ATXN1: variants seen among roughly 807,000 people sequenced by gnomAD.
ATXN1 encodes the protein ataxin-1.
Under a neutral mutation model 56.4 loss-of-function variants are expected in ATXN1, and 8 were observed. The ratio of observed to expected loss-of-function variants is 0.14; its 90% CI spans 0.08 to 0.26. The LOEUF is 0.26. ATXN1 is among the 10% of genes least tolerant of loss of function. The probability of loss-of-function intolerance (pLI) is 1.00; values close to 1 mark genes in which losing one functional copy is unlikely to be tolerated. For missense variants in ATXN1, 987 were observed against 1,106.5 expected, an observed-to-expected ratio of 0.89 and a Z score of 1.53; for synonymous variants, 514 against 494.6, an observed-to-expected ratio of 1.04 and a Z score of -0.52.
chr6:16,458,691 G>C (rs1759929406), intron 6 of ATXN1, among the ~76,000 whole-genome samples: 1 of 152,206 alleles, frequency 6.6e-6, no homozygotes, highest in African/African-American at 2.4e-5. Flanking sequence ...CAATCACCCA[G>C]TAGGGCTTGT....
At chr6:16,346,946 G>A (rs1181226590) in intron 6 of ATXN1, among the ~76,000 whole-genome samples, 1 of 152,228 alleles carries the variant, frequency 6.6e-6, no homozygotes, top group African/African-American at 2.4e-5. Flanking sequence ...GTTCCAGGTG[G>A]CTGTGGGCTC....
intron 2 of ATXN1, among the ~76,000 whole-genome samples, chr6:16,708,501 T>C (rs1425306103): frequency 6.6e-6 from 1 of 152,162 alleles, no homozygotes; most frequent in African/African-American, 2.4e-5. Flanking sequence ...ATTTGTACAA[T>C]GCAATTAAAA....
intron 6 of ATXN1, among the ~76,000 whole-genome samples, chr6:16,354,333 C>T (rs1761640210): frequency 6.6e-6 from 1 of 152,082 alleles, no homozygotes; most frequent in South Asian, 2.1e-4. Flanking sequence ...TCTCGGCTCA[C>T]TGCAACCTCT....
At chr6:16,651,389 A>C (rs547722268) in intron 3 of ATXN1, among the ~76,000 whole-genome samples, 18 of 152,062 alleles carry the variant, frequency 1.2e-4, no homozygotes, top group Non-Finnish European at 2.4e-4. Flanking sequence ...CCAAAAATAC[A>C]AAAAATTAGC....
chr6:16,639,135 A>G (rs2113818668), intron 3 of ATXN1, among the ~76,000 whole-genome samples: 1 of 152,360 alleles, frequency 6.6e-6, no homozygotes, highest in Admixed American at 6.5e-5. Flanking sequence ...ACCAATCAGC[A>G]GGACATGGGC....
At chr6:16,310,023 G>A (rs1438679254) in intron 7 of ATXN1, among the ~76,000 whole-genome samples, 1 of 150,350 alleles carries the variant, frequency 6.7e-6, no homozygotes, top group Non-Finnish European at 1.5e-5. Context: ...AGTGAGCCAA[G>A]ATCATTCCAT....
intron 7 of ATXN1, among the ~76,000 whole-genome samples, chr6:16,307,971 T>C (rs1430192673): frequency 6.6e-6 from 1 of 152,136 alleles, no homozygotes; most frequent in Non-Finnish European, 1.5e-5. Flanking sequence ...CTGGCTACCA[T>C]GGCAAAACCC....
At chr6:16,597,721 G>T (rs1010869824) in intron 3 of ATXN1, among the ~76,000 whole-genome samples, 1 of 152,186 alleles carries the variant, frequency 6.6e-6, no homozygotes, top group Non-Finnish European at 1.5e-5. Flanking sequence ...ATTTGCAGGC[G>T]TGAGCCACCA....
Position 16,354,406 on chromosome 6 carries a change from C to T in ATXN1, c.-160-25936G>A, listed in dbSNP as rs373307230. Among the ~76,000 whole-genome samples the T allele has an allele frequency of 6.0e-4, 91 of 152,048 alleles. No individual in the cohort carries two copies. The South Asian group carries it at 7.3e-3, about 12-fold the overall frequency. On this transcript the variant is annotated intron_variant, in intron 6 of 7. Transcript: ENST00000436367. ...TCTAGTAGCTGGGACTACAGGTGTG[C>T]GCCACCATGCCTGGCTAATTTTTTG...
intron 7 of ATXN1, among the ~76,000 whole-genome samples, chr6:16,307,512 T>TAA (rs542289170): frequency 2.1e-5 from 3 of 143,304 alleles, no homozygotes; most frequent in Admixed American, 1.4e-4. Flanking sequence ...CCACTAAAAA[T>TAA]AAAAAAAAAA....
intron 6 of ATXN1, among the ~76,000 whole-genome samples, chr6:16,341,618 A>G (rs1761250996): frequency 6.9e-6 from 1 of 144,952 alleles, no homozygotes; most frequent in Non-Finnish European, 1.5e-5. Flanking sequence ...TCCCGGGTTC[A>G]CACCATTCTC....
At chr6:16,314,585 A>G (rs1441493682) in intron 7 of ATXN1, among the ~76,000 whole-genome samples, 1 of 152,066 alleles carries the variant, frequency 6.6e-6, no homozygotes, top group Non-Finnish European at 1.5e-5. Flanking sequence ...GGTATTCTCT[A>G]TGATGCTGAT....
intron 6 of ATXN1, among the ~76,000 whole-genome samples, chr6:16,441,952 G>T (rs755246913): frequency 6.6e-6 from 1 of 152,126 alleles, no homozygotes; most frequent in Non-Finnish European, 1.5e-5. Flanking sequence ...AACAGCAAAT[G>T]CTTAAAATCG....
intron 2 of ATXN1, among the ~76,000 whole-genome samples, chr6:16,743,662 G>T (rs1338541682): frequency 6.6e-6 from 1 of 152,174 alleles, no homozygotes; most frequent in African/African-American, 2.4e-5. Flanking sequence ...GGGTGCTATG[G>T]GAACCCAGAA....
At chr6:16,668,459 A>T (rs995715437) in intron 2 of ATXN1, among the ~76,000 whole-genome samples, 18 of 150,092 alleles carry the variant, frequency 1.2e-4, no homozygotes, top group Non-Finnish European at 2.5e-4. Flanking sequence ...TTTGGTCTTG[A>T]GAGTCAAGAT....
chr6:16,525,701 G>C (rs1356143947), intron 4 of ATXN1, among the ~76,000 whole-genome samples: 1 of 152,052 alleles, frequency 6.6e-6, no homozygotes, highest in Non-Finnish European at 1.5e-5. Flanking sequence ...ATAAATGCTT[G>C]AGTGGATGGA....
At chr6:16,729,273 C>G (rs1441551603) in intron 2 of ATXN1, among the ~76,000 whole-genome samples, 1 of 152,206 alleles carries the variant, frequency 6.6e-6, no homozygotes, top group Non-Finnish European at 1.5e-5. Flanking sequence ...CAAAGGCAGA[C>G]TTCAAAAGGA....
At chr6:16,604,695 C>T (rs1177046202) in intron 3 of ATXN1, among the ~76,000 whole-genome samples, 1 of 150,624 alleles carries the variant, frequency 6.6e-6, no homozygotes, top group Admixed American at 6.6e-5. Flanking sequence ...AGGTGATCCT[C>T]CCACTTCAGC....
At chr6:16,742,629 T>C (rs1349722877) in intron 2 of ATXN1, among the ~76,000 whole-genome samples, 2 of 152,092 alleles carry the variant, frequency 1.3e-5, no homozygotes, top group South Asian at 2.1e-4. Flanking sequence ...ACAAATGCAC[T>C]CCCTCCACCT....
Sources: gnomAD v4.1 joint callset for allele counts (sites outside exome capture counted in the v4.1 genomes callset) on GRCh38, gnomAD v4.1.1 for gene constraint, MANE v1.5 for transcripts, NCBI Gene and HGNC (gene_info 2026-07-23, HGNC 2026-07-21) for gene names.